The following HEXA variants were observed in gnomAD, a reference collection of about 807,000 sequenced individuals.
HEXA encodes the protein hexosaminidase subunit alpha.
Under a neutral mutation model 73.3 loss-of-function variants are expected in HEXA, and 54 were observed. The ratio of observed to expected loss-of-function variants is 0.74; its 90% confidence interval spans 0.59 to 0.92. The LOEUF (loss-of-function observed/expected upper bound fraction) is 0.92, where lower values mean the gene tolerates loss of function less well. Among genes scored for constraint, HEXA ranks in the 40% least tolerant of loss-of-function variants. HEXA has a pLI of 0.00. For missense variants in HEXA, 649 were observed against 653.0 expected (o/e 0.99, Z 0.07); for synonymous variants, 230 against 246.9 (o/e 0.93, Z 0.64).
At chr15:72,352,447 CAA>C (rs540544720) in intron 5 of HEXA, among the ~76,000 whole-genome samples, 18 of 67,144 alleles carry the variant, frequency 2.7e-4, no homozygotes, top group Admixed American at 4.8e-4. Context: ...ACAAAAAATA[CAA>C]AAAAAAAAAA....
intron 1 of HEXA, among the ~76,000 whole-genome samples, chr15:72,368,889 A>G (rs1187699016): frequency 3.9e-5 from 6 of 152,240 alleles, no homozygotes; most frequent in Admixed American, 3.3e-4. Context: ...TAAGTAGTTA[A>G]ACTTTTCATG....
At position 72,350,625 on chromosome 15, in the gene HEXA, A is replaced by G. The variant is rs1595800112; in HGVS notation, c.698T>C (p.Ile233Thr). ...CTCCTTCACATCCTGTGCTGTGTAG[A>G]TGTGGGTGACAGGGTTGTAGGACCC... ...RKGSYNPVTH[I>T]YTAQDVKEVI... The change falls in exon 7 of 14, where the codon ATC becomes ACC. Residue 233 changes from isoleucine to threonine, a missense_variant. Ile to Thr is a moderately conservative substitution (Grantham distance 89). Coordinates refer to ENST00000268097, the MANE Select transcript of HEXA (RefSeq NM_000520.6). 2 of 1,614,130 alleles carry G rather than the reference A, an allele frequency of 1.2e-6. No homozygotes were observed. The highest frequency in any genetic ancestry group is 1.7e-6 in the Non-Finnish European group (2 of 1,180,020).
intron 6 of HEXA, 148 bp from the exon 7 acceptor site, chr15:72,350,798 A>G: frequency 1.3e-6 from 1 of 793,586 alleles, no homozygotes; most frequent in South Asian, 1.5e-5. Flanking sequence ...AAACTTGATC[A>G]TAATTTCCCA....
intron 1 of HEXA, among the ~76,000 whole-genome samples, chr15:72,373,840 A>T (rs2140342382): frequency 6.6e-6 from 1 of 152,164 alleles, no homozygotes; most frequent in East Asian, 1.9e-4. Flanking sequence ...CTCTACTAAA[A>T]ATACAAAAAT....
chr15:72,355,587 G>C lies in HEXA; in HGVS notation c.384C>G (p.Leu128=). Residue 128 remains leucine, a synonymous_variant, in exon 3 of 14, where the codon CTC becomes CTG. Transcript: ENST00000268097. The part of the protein sequence containing the change: ...LTINDDQCLL[L]SETVWGALRG... The stretch of plus-strand genomic sequence containing the variant: ...GGAGAGCTCCCCAGACAGTCTCAGA[G>C]AGGAGTAAACACTGGTCATCATTTA... 1 of 1,611,048 alleles carries C rather than the reference G, an allele frequency of 6.2e-7. No individual in the cohort carries two copies. The highest frequency in any genetic ancestry group is 8.5e-7 in the Non-Finnish European group (1 of 1,177,286).
chr15:72,375,309 C>T (rs1268534838), intron 1 of HEXA, among the ~76,000 whole-genome samples: 1 of 152,076 alleles, frequency 6.6e-6, no homozygotes, highest in Admixed American at 6.5e-5. Context: ...GGGCTGGTCT[C>T]GAACTCCTGA....
chr15:72,375,790 G>C lies in HEXA; in HGVS notation c.183C>G (p.Leu61=), dbSNP rs2089056934. ...CACGATAGCGCTGGAAGGCCTCGTC[G>C]AGGACTGAGCAGCCGGGCTGCGCGG... is the stretch of plus-strand genomic sequence containing the variant. ...SSAAQPGCSV[L]DEAFQRYRDL... is the part of the protein sequence containing the mutation. The change falls in exon 1 of 14, where the codon CTC becomes CTG. Residue 61 remains leucine, a synonymous_variant. Transcript: ENST00000268097. 1 of 1,614,232 alleles carries C rather than the reference G, an allele frequency of 6.2e-7. No homozygotes were observed. Among genetic ancestry groups the C allele is most frequent in the Non-Finnish European group, 8.5e-7 (1 of 1,180,036 alleles).
chr15:72,365,546 TTA>T (rs1269254840), intron 1 of HEXA, among the ~76,000 whole-genome samples: 1 of 152,234 alleles, frequency 6.6e-6, no homozygotes, highest in African/African-American at 2.4e-5. Context: ...TACGGTCTCT[TTA>T]TTTGCTTACT....
chr15:72,373,182 A>G (rs1263323904), intron 1 of HEXA, among the ~76,000 whole-genome samples: 1 of 152,198 alleles, frequency 6.6e-6, no homozygotes, highest in Non-Finnish European at 1.5e-5. Flanking sequence ...AGAGCCTACA[A>G]ATAAGTTGTT....
At chr15:72,355,403 G>C in intron 3 of HEXA, 156 bp downstream of exon 3, 1 of 694,016 alleles carries the variant, frequency 1.4e-6, no homozygotes, top group Non-Finnish European at 2.6e-6. Flanking sequence ...GCAGGCACCT[G>C]TAATCCCAGC....
intron 7 of HEXA, 143 bp from the exon 8 acceptor site, chr15:72,349,402 C>T: frequency 1.4e-6 from 1 of 718,946 alleles, no homozygotes; most frequent in East Asian, 2.6e-5. Context: ...CACTTAGGCA[C>T]TCACAGACAC....
At chr15:72,367,519 G>A (rs1313394666) in intron 1 of HEXA, among the ~76,000 whole-genome samples, 3 of 152,070 alleles carry the variant, frequency 2.0e-5, no homozygotes, top group Admixed American at 6.5e-5. Flanking sequence ...CTTTTAACTG[G>A]GTTTCCTGCC....
At chr15:72,355,949 C>T (rs1461149254) in intron 2 of HEXA, 1 of 486,934 alleles carries the variant, frequency 2.1e-6, no homozygotes, top group South Asian at 1.5e-5. Flanking sequence ...TGAAAGAAGT[C>T]TTCTCCTGGC....
At chr15:72,347,404 G>A (rs1357395968) in intron 10 of HEXA, among the ~76,000 whole-genome samples, 1 of 151,150 alleles carries the variant, frequency 6.6e-6, no homozygotes, top group African/African-American at 2.4e-5. Context: ...CCTGATTTTT[G>A]TATTTTTTGT....
chr15:72,349,157 G>A lies in HEXA; in HGVS notation c.908C>T (p.Thr303Ile), dbSNP rs1181164048. 1.2e-6 allele frequency: 2 copies of A among 1,613,818 alleles called. No homozygotes were observed. The highest frequency in any genetic ancestry group is 1.3e-5 in the African/African-American group (1 of 74,914). Residue 303 changes from threonine to isoleucine, a missense_variant, in exon 8 of 14, where the codon ACA (threonine) becomes ATA (isoleucine). Physicochemically the swap from Thr to Ile is moderately conservative, Grantham distance 89 (BLOSUM62 -1). Transcript: ENST00000268097. ...SLNNTYEFMS[T>I]FFLEVSSVFP... ...GACAGAGCTGACTTCTAAGAAGAAT[G>A]TGCTCATGAACTCATAGGTATTATT... is the stretch of plus-strand genomic sequence containing the variant.
chr15:72,369,110 G>A (rs1245939174), intron 1 of HEXA, among the ~76,000 whole-genome samples: 2 of 152,176 alleles, frequency 1.3e-5, no homozygotes, highest in African/African-American at 4.8e-5. Flanking sequence ...CAGTTGGCTG[G>A]GGATCAGGGC....
In HEXA at chr15:72,346,660, G is replaced by A; in HGVS notation, c.1197C>T (p.Asn399=). The change falls in exon 11 of 14, where the codon AAC becomes AAT. Residue 399 remains asparagine (N), a synonymous_variant. Coordinates refer to ENST00000268097, the MANE Select transcript of HEXA (RefSeq NM_000520.6). ...TGACCAGTTCCAGCTCCTTCATATA[G>A]TTCACTGGAATATCCTCTCGCCACA... is the stretch of plus-strand genomic sequence containing the variant. ...IQVWREDIPV[N]YMKELELVTK... 1.2e-6 allele frequency: 2 copies of A among 1,614,086 alleles called. No individual in the cohort carries two copies. The highest frequency in any genetic ancestry group is 1.7e-6 in the Non-Finnish European group (2 of 1,180,006).
chr15:72,355,727 G>T, intron 2 of HEXA, 103 bp from the exon 3 acceptor site: 1 of 798,138 alleles, frequency 1.3e-6, no homozygotes, highest in East Asian at 2.7e-5. Flanking sequence ...AAAAAAAACA[G>T]TAAGACCATA....
intron 3 of HEXA, chr15:72,354,624 G>C (rs1328314659): frequency 6.6e-6 from 1 of 152,362 alleles, no homozygotes; most frequent in Non-Finnish European, 1.5e-5. Context: ...CCTCTAGCCT[G>C]ACTCACCATC....
Sources: gnomAD v4.1 joint callset for allele counts (sites outside exome capture counted in the v4.1 genomes callset) on GRCh38, gnomAD v4.1.1 for gene constraint, MANE v1.5 for transcripts, NCBI Gene and HGNC (gene_info 2026-07-23, HGNC 2026-07-21) for gene names.